GABRB3: variants seen among roughly 807,000 people sequenced by gnomAD.
The protein encoded by GABRB3 is gamma-aminobutyric acid type A receptor subunit beta3, also known as gamma-aminobutyric acid receptor subunit beta-3.
A neutral mutation model predicts 52.1 loss-of-function variants in GABRB3; 14 were observed. The ratio of observed to expected loss-of-function variants is 0.27; its 90% CI spans 0.18 to 0.42. GABRB3 has a LOEUF of 0.42. Ranked by LOEUF, GABRB3 falls within the 10% of genes least tolerant of loss-of-function variation. The pLI is 1.00. For synonymous variants in GABRB3, 260 were observed against 232.3 expected, an observed-to-expected ratio of 1.12 and a Z score of -1.08; for missense variants, 307 against 609.1, an observed-to-expected ratio of 0.50 and a Z score of 5.22.
chr15:26,617,697 T>C (rs1266806924), intron 4 of GABRB3, among the ~76,000 whole-genome samples: 1 of 151,990 alleles, frequency 6.6e-6, no homozygotes, highest in Non-Finnish European at 1.5e-5. Flanking sequence ...ATAAAGGGTA[T>C]TCAATTAGGA....
chr15:26,686,695 C>T (rs962753201), intron 3 of GABRB3, among the ~76,000 whole-genome samples: 4 of 152,186 alleles, frequency 2.6e-5, no homozygotes, highest in Admixed American at 6.5e-5. Flanking sequence ...CTGACAGTGT[C>T]CCAGGGAAGT....
rs1275750709 is a variant in GABRB3, at chr15:26,546,354, C to T, written c.*1439G>A. The T allele has an allele frequency of 1.3e-5, 2 of 151,874 alleles. No individual in the cohort carries two copies. The highest frequency in any genetic ancestry group is 2.4e-5 in the African/African-American group (1 of 41,130). 9.4% of individuals were successfully genotyped at this position (151,874 alleles called of 1,614,324 possible). ...TCATCTAAATAGTAAGTTAAGGTTG[C>T]GTCTATGAAACCGGTGCACCTTGTC... On this transcript the variant is annotated 3_prime_UTR_variant, in exon 9 of 9. Coordinates refer to ENST00000311550, the MANE Select transcript of GABRB3 (RefSeq NM_000814.6).
At chr15:26,601,683 G>A (rs1023401246) in intron 4 of GABRB3, among the ~76,000 whole-genome samples, 4 of 152,164 alleles carry the variant, frequency 2.6e-5, no homozygotes, top group Non-Finnish European at 5.9e-5. Flanking sequence ...GTGTTAAGTT[G>A]TCATCCTCTT....
intron 3 of GABRB3, among the ~76,000 whole-genome samples, chr15:26,739,865 T>C (rs951799540): frequency 2.0e-5 from 3 of 152,152 alleles, no homozygotes; most frequent in Non-Finnish European, 4.4e-5. Flanking sequence ...GAAAACAGGA[T>C]AATGGGGTTA....
chr15:26,729,617 G>A (rs1889857518), intron 3 of GABRB3, among the ~76,000 whole-genome samples: 1 of 152,140 alleles, frequency 6.6e-6, no homozygotes, highest in African/African-American at 2.4e-5. Context: ...GGAGGGTGGG[G>A]AACAAAATCT....
intron 4 of GABRB3, among the ~76,000 whole-genome samples, chr15:26,602,092 T>C (rs1891609922): frequency 6.6e-6 from 1 of 151,972 alleles, no homozygotes; most frequent in Non-Finnish European, 1.5e-5. Context: ...GCAAACCAAA[T>C]AAGAGCAAGA....
intron 3 of GABRB3, among the ~76,000 whole-genome samples, chr15:26,690,267 C>A (rs1385923447): frequency 6.6e-6 from 1 of 151,918 alleles, no homozygotes; most frequent in African/African-American, 2.4e-5. Flanking sequence ...TTTGTAGTGA[C>A]AGGGTCTCAC....
intron 4 of GABRB3, chr15:26,615,437 A>G: frequency 4.1e-6 from 4 of 986,844 alleles, no homozygotes; most frequent in Non-Finnish European, 4.8e-6. Flanking sequence ...AAGAAGAGCA[A>G]GCTAGTGTTA....
At chr15:26,613,131 G>A (rs909220512) in intron 4 of GABRB3, 15 of 152,656 alleles carry the variant, frequency 9.8e-5, no homozygotes, top group African/African-American at 3.4e-4. Flanking sequence ...GAAACAAACA[G>A]GCTGGGTGCA....
At chr15:26,672,658 T>G (rs1887935169) in intron 3 of GABRB3, among the ~76,000 whole-genome samples, 1 of 151,510 alleles carries the variant, frequency 6.6e-6, no homozygotes, top group South Asian at 2.1e-4. Context: ...GAGAAAAAAA[T>G]TTTTCTTCCC....
intron 5 of GABRB3, 84 bp from the exon 6 acceptor site, chr15:26,580,540 T>C (rs769283367): frequency 3.8e-6 from 6 of 1,560,850 alleles, no homozygotes; most frequent in Non-Finnish European, 5.3e-6. Context: ...AACATGGAGG[T>C]TGCGGCTCTG....
chr15:26,716,576 G>A, intron 3 of GABRB3: 2 of 992,596 alleles, frequency 2.0e-6, no homozygotes. Context: ...ACTTCTCACA[G>A]CCTGCCTCAC....
At chr15:26,769,677 C>T (rs916368970) in intron 3 of GABRB3, among the ~76,000 whole-genome samples, 1 of 152,070 alleles carries the variant, frequency 6.6e-6, no homozygotes, top group Non-Finnish European at 1.5e-5. Flanking sequence ...TCTATTCATA[C>T]CCCTCACACA....
At chr15:26,707,100 T>C (rs1171473087) in intron 3 of GABRB3, among the ~76,000 whole-genome samples, 1 of 152,158 alleles carries the variant, frequency 6.6e-6, no homozygotes, top group Admixed American at 6.5e-5. Flanking sequence ...ATGATAAATA[T>C]TTTAACAAAA....
intron 3 of GABRB3, among the ~76,000 whole-genome samples, chr15:26,710,201 G>A (rs980243998): frequency 4.6e-5 from 7 of 152,110 alleles, no homozygotes; most frequent in African/African-American, 1.7e-4. Flanking sequence ...GTTGTTTTTA[G>A]TTTAGGGCTG....
chr15:26,760,843 A>C (rs1312575321), intron 3 of GABRB3, among the ~76,000 whole-genome samples: 1 of 149,736 alleles, frequency 6.7e-6, no homozygotes, highest in Non-Finnish European at 1.5e-5. Flanking sequence ...ACAAACAAAA[A>C]CCCACCACAA....
At chr15:26,627,779 T>A (rs1162426881) in intron 3 of GABRB3, among the ~76,000 whole-genome samples, 1 of 152,172 alleles carries the variant, frequency 6.6e-6, no homozygotes, top group Non-Finnish European at 1.5e-5. Flanking sequence ...ATTGTTGCAA[T>A]GACAACAAAG....
At chr15:26,548,564 C>T (rs1438489054) in intron 8 of GABRB3, among the ~76,000 whole-genome samples, 1 of 152,112 alleles carries the variant, frequency 6.6e-6, no homozygotes, top group Non-Finnish European at 1.5e-5. Flanking sequence ...ATATAACACA[C>T]CCAAATTACT....
At chr15:26,688,921 G>T (rs1215581454) in intron 3 of GABRB3, among the ~76,000 whole-genome samples, 4 of 152,168 alleles carry the variant, frequency 2.6e-5, no homozygotes, top group African/African-American at 9.7e-5. Context: ...CTTTATTCTG[G>T]TTTCTTTAAG....
Sources: allele counts gnomAD v4.1 joint callset (sites outside exome capture counted in the v4.1 genomes callset), GRCh38; gene constraint gnomAD v4.1.1; transcripts MANE v1.5; gene names NCBI Gene and HGNC (gene_info 2026-07-23, HGNC 2026-07-21).